ANKRD29: variants seen among roughly 807,000 people sequenced by gnomAD.
ANKRD29 encodes the protein ankyrin repeat domain-containing protein 29.
Under a neutral mutation model 38.0 loss-of-function variants are expected in ANKRD29, and 32 were observed. That is an observed-to-expected ratio of 0.84 (90% confidence interval 0.64 to 1.13). The LOEUF is 1.13. Among genes scored for constraint, ANKRD29 ranks in the 50% most tolerant of loss-of-function variants. The pLI is 0.00. For missense variants in ANKRD29, 357 were observed against 377.9 expected (o/e 0.94, Z 0.46); for synonymous variants, 135 against 152.4 (o/e 0.89, Z 0.84).
At chr18:23,640,880 CAT>C (rs1426600729) in intron 3 of ANKRD29, among the ~76,000 whole-genome samples, 1 of 152,164 alleles carries the variant, frequency 6.6e-6, no homozygotes, top group African/African-American at 2.4e-5. Flanking sequence ...AGGTCTCACT[CAT>C]GTGTGAAAAG....
intron 8 of ANKRD29, among the ~76,000 whole-genome samples, chr18:23,614,709 C>T (rs1340453160): frequency 6.6e-6 from 1 of 151,222 alleles, no homozygotes; most frequent in East Asian, 1.9e-4. Context: ...GAAAGTAGCT[C>T]ATGAGCTCAT....
Position 23,599,055 on chromosome 18 carries a change from CTT to C in ANKRD29, c.*2169_*2170del, listed in dbSNP as rs895435182. ...TGCATAGGAATTGCTAGTTTTAAGT[CTT>C]AGGATGCGGAGCTAACTGAATTGTC... On this transcript the variant is annotated 3_prime_UTR_variant, in exon 10 of 10. Coordinates refer to ENST00000592179, the MANE Select transcript of ANKRD29 (RefSeq NM_173505.4). The C allele has an allele frequency of 1.6e-4, 24 of 152,290 alleles. No homozygotes were observed. The highest frequency in any genetic ancestry group is 5.5e-4 in the African/African-American group (23 of 41,570). The allele number at this position is 152,290 out of a possible 1,614,324, so 9.4% of individuals were successfully genotyped here.
rs540954707 is a variant in ANKRD29 at position 23,600,680 on chromosome 18, C to T, written c.*546G>A. On this transcript the variant is annotated 3_prime_UTR_variant, in exon 10 of 10. Transcript: ENST00000592179. ...GTGGTTTTTTAATAATGTATGTTTA[C>T]ACTTCATTGATTTATAACAATCATG... 2 of 152,796 alleles carry T rather than the reference C, an allele frequency of 1.3e-5. No individual in the cohort carries two copies. Among genetic ancestry groups the T allele is most frequent in the African/African-American group, 4.8e-5 (2 of 41,554 alleles). 9.5% of individuals were successfully genotyped at this position (152,796 alleles called of 1,614,324 possible). A position where few individuals can be genotyped will look rare whatever the true frequency, so the allele number is the denominator to read the frequency against.
chr18:23,634,007 T>C (rs967136491), intron 5 of ANKRD29, 44 bp downstream of exon 5: 7 of 1,586,796 alleles, frequency 4.4e-6, no homozygotes, highest in African/African-American at 1.3e-5. Context: ...TGCAATTTTG[T>C]ATGTGATGAG....
chr18:23,662,161 A>C (rs2060371491), intron 1 of ANKRD29, among the ~76,000 whole-genome samples: 1 of 152,212 alleles, frequency 6.6e-6, no homozygotes, highest in South Asian at 2.1e-4. Flanking sequence ...ATTTTTATTA[A>C]ACCCTTTCAA....
At chr18:23,638,985 G>T (rs2060038545) in intron 3 of ANKRD29, 38 bp from the exon 4 acceptor site, 3 of 1,456,880 alleles carry the variant, frequency 2.1e-6, no homozygotes, top group Non-Finnish European at 2.8e-6. Context: ...AAAGACATTT[G>T]GTTATCTTAC....
intron 1 of ANKRD29, among the ~76,000 whole-genome samples, chr18:23,652,923 G>A (rs2060227699): frequency 6.6e-6 from 1 of 152,220 alleles, no homozygotes; most frequent in Admixed American, 6.5e-5. Flanking sequence ...AATATATAAT[G>A]ATAGGCTGCA....
chr18:23,616,163 TATACTCTATACATACTGTATGTATATA>T, intron 8 of ANKRD29, among the ~76,000 whole-genome samples: 1 of 149,982 alleles, frequency 6.7e-6, no homozygotes, highest in Middle Eastern at 3.5e-3. Flanking sequence ...TGTATGTATG[TATACTCTATACATACTGTATGTATATA>T]ATACATCCAT....
intron 6 of ANKRD29, among the ~76,000 whole-genome samples, chr18:23,623,279 G>A (rs1454167538): frequency 2.0e-5 from 3 of 152,118 alleles, no homozygotes. Flanking sequence ...TTTGGGGGCC[G>A]CCTGTGTATT....
rs924409010 is a variant in ANKRD29, at chr18:23,599,711, T to C, written c.*1515A>G. ...TTATCCTAGAATCAGGTTGCAGGCT[T>C]TTTGTATAGCTGGTCAGGCTGTAGG... is the stretch of plus-strand genomic sequence containing the variant. On this transcript the variant is annotated 3_prime_UTR_variant, in exon 10 of 10. Coordinates refer to ENST00000592179, the MANE Select transcript of ANKRD29 (RefSeq NM_173505.4). The C allele has an allele frequency of 6.6e-6, 1 of 152,190 alleles. No homozygotes were observed. The highest frequency in any genetic ancestry group is 1.5e-5 in the Non-Finnish European group (1 of 68,020). The allele number at this position is 152,190 out of a possible 1,614,324, so 9.4% of individuals were successfully genotyped here.
chr18:23,644,724 T>G (rs1598521615), intron 3 of ANKRD29, among the ~76,000 whole-genome samples: 1 of 152,198 alleles, frequency 6.6e-6, no homozygotes, highest in African/African-American at 2.4e-5. Flanking sequence ...TGGAACTCTA[T>G]TTTTGAGTCA....
chr18:23,653,814 A>G (rs1485015137), intron 1 of ANKRD29, among the ~76,000 whole-genome samples: 1 of 150,456 alleles, frequency 6.6e-6, no homozygotes, highest in Non-Finnish European at 1.5e-5. Context: ...CAAGTAATCC[A>G]CTTGCCTCAG....
chr18:23,651,344 A>G (rs1005584146), intron 1 of ANKRD29, among the ~76,000 whole-genome samples: 1 of 152,238 alleles, frequency 6.6e-6, no homozygotes, highest in Admixed American at 6.5e-5. Context: ...GGCAAACTGC[A>G]ACCATGGTTT....
Position 23,613,091 on chromosome 18 carries a change from T to C in ANKRD29, c.724-901A>G, listed in dbSNP as rs529643698. Among the ~76,000 whole-genome samples, 4 of 152,164 alleles carry C rather than the reference T, an allele frequency of 2.6e-5. No individual in the cohort carries two copies. In the South Asian group the frequency reaches 8.3e-4, roughly 32 times the overall value. ...CTTTTAAGTATGTATGATAATTCAC[T>C]ACTCTTGTAACAATTTACTTGTCTA... On this transcript the variant is annotated intron_variant, in intron 8 of 9. Coordinates refer to ENST00000592179, the MANE Select transcript of ANKRD29 (RefSeq NM_173505.4).
Position 23,624,466 on chromosome 18 carries a change from CAAAAAAAAAAAAAAAAA to C in ANKRD29, c.529-4854_529-4838del, listed in dbSNP as rs56005663. On this transcript the variant is annotated intron_variant, in intron 6 of 9. Transcript: ENST00000592179. ...TGGGCGACAGAGTGAGACTCCATCT[CAAAAAAAAAAAAAAAAA>C]AAAAAAAAAAAAAAAAAGGTAATAG... 1.2e-3 allele frequency among the ~76,000 whole-genome samples: 39 copies of C among 32,452 alleles called. No individual in the cohort carries two copies. In the South Asian group the frequency reaches 0.023, roughly 19 times the overall value. 21.3% of individuals were successfully genotyped at this position (32,452 alleles called of 152,430 possible).
At chr18:23,633,906 C>T (rs2059966524) in intron 5 of ANKRD29, 145 bp downstream of exon 5, 1 of 761,726 alleles carries the variant, frequency 1.3e-6, no homozygotes, top group Non-Finnish European at 2.2e-6. Context: ...CCCATCTGGT[C>T]CGCTATATAT....
At chr18:23,653,317 C>A (rs937823978) in intron 1 of ANKRD29, among the ~76,000 whole-genome samples, 5 of 152,170 alleles carry the variant, frequency 3.3e-5, no homozygotes, top group Admixed American at 6.5e-5. Flanking sequence ...GTGCCATGAT[C>A]TCGGCTCACT....
rs773691291 is a variant in ANKRD29 at position 23,601,295 on chromosome 18, C to G, written c.837G>C (p.Pro279=). Residue 279 remains proline (P), a synonymous_variant, in exon 10 of 10, where the codon CCG becomes CCC. Transcript: ENST00000592179. ...PSLRNKANEL[P]AELTKNERIL... ...TACGTTCATTTTTGGTTAGTTCTGCCGGAAGTTCATTGGCCTGAAAGAAGA... is the reference window on the plus strand; with the variant it reads ...TACGTTCATTTTTGGTTAGTTCTGCGGGAAGTTCATTGGCCTGAAAGAAGA... The G allele has an allele frequency of 1.2e-6, 2 of 1,613,824 alleles. No individual in the cohort carries two copies. Among genetic ancestry groups the G allele is most frequent in the East Asian group, 2.2e-5 (1 of 44,870 alleles).
chr18:23,613,470 C>A (rs1037651055), intron 8 of ANKRD29, among the ~76,000 whole-genome samples: 1 of 151,926 alleles, frequency 6.6e-6, no homozygotes, highest in Non-Finnish European at 1.5e-5. Flanking sequence ...CCATGCCTGA[C>A]CAGGAGTTTT....
Sources: gnomAD v4.1 joint callset for allele counts (sites outside exome capture counted in the v4.1 genomes callset) on GRCh38, gnomAD v4.1.1 for gene constraint, MANE v1.5 for transcripts, NCBI Gene and HGNC (gene_info 2026-07-23, HGNC 2026-07-21) for gene names.